FGGY: variants seen among roughly 807,000 people sequenced by gnomAD.
FGGY encodes the protein FGGY carbohydrate kinase domain-containing protein.
Under a neutral mutation model 71.3 loss-of-function variants are expected in FGGY, and 72 were observed. That is an observed-to-expected ratio of 1.01 (90% CI 0.84 to 1.23). The LOEUF (loss-of-function observed/expected upper bound fraction) is 1.23. Among genes scored for constraint, FGGY ranks in the 50% most tolerant of loss-of-function variants. FGGY has a pLI of 0.00. For missense variants in FGGY, 668 were observed against 682.3 expected (o/e 0.98, Z 0.23); for synonymous variants, 251 against 250.3 (o/e 1.00, Z -0.02).
intron 15 of FGGY, among the ~76,000 whole-genome samples, chr1:59,758,237 G>C (rs913007326): frequency 6.6e-6 from 1 of 152,156 alleles, no homozygotes; most frequent in Non-Finnish European, 1.5e-5. Context: ...TTTTTCCCAG[G>C]TAATTGGCAG....
At chr1:59,566,985 G>T (rs747597641) in intron 8 of FGGY, among the ~76,000 whole-genome samples, 64 of 152,158 alleles carry the variant, frequency 4.2e-4, no homozygotes, top group Admixed American at 1.0e-3. Context: ...CCATTTACTT[G>T]TATGTACCTG....
At chr1:59,333,340 A>T (rs1426821369) in intron 2 of FGGY, among the ~76,000 whole-genome samples, 1 of 152,240 alleles carries the variant, frequency 6.6e-6, no homozygotes, top group Admixed American at 6.5e-5. Context: ...GGTATCCCAC[A>T]TGGAAAGATT....
intron 5 of FGGY, among the ~76,000 whole-genome samples, chr1:59,381,342 A>C (rs756539226): frequency 6.6e-6 from 1 of 152,170 alleles, no homozygotes; most frequent in African/African-American, 2.4e-5. Context: ...AGTCATTGGT[A>C]GCTTGATGGG....
intron 5 of FGGY, among the ~76,000 whole-genome samples, chr1:59,456,674 C>T (rs1018468838): frequency 3.3e-5 from 5 of 152,176 alleles, no homozygotes; most frequent in African/African-American, 9.7e-5. Context: ...TCTCCAACTC[C>T]TGACCTTAAG....
intron 11 of FGGY, 147 bp downstream of exon 11, chr1:59,638,522 C>CTCA: frequency 1.1e-6 from 1 of 896,690 alleles, no homozygotes; most frequent in Non-Finnish European, 1.7e-6. Context: ...GCTGTTGCTG[C>CTCA]TCCCTGGGAT....
chr1:59,362,597 A>C (rs1007489087), intron 4 of FGGY, among the ~76,000 whole-genome samples: 1 of 152,174 alleles, frequency 6.6e-6, no homozygotes, highest in South Asian at 2.1e-4. Context: ...CCATTGCCTC[A>C]GTGTGGACTG....
At chr1:59,566,495 AG>A (rs910075682) in intron 8 of FGGY, among the ~76,000 whole-genome samples, 1 of 152,166 alleles carries the variant, frequency 6.6e-6, no homozygotes, top group African/African-American at 2.4e-5. Context: ...GAGCCCCAGG[AG>A]AAATAACAGT....
intron 5 of FGGY, among the ~76,000 whole-genome samples, chr1:59,451,396 A>G (rs2072685607): frequency 6.6e-6 from 1 of 150,890 alleles, no homozygotes; most frequent in South Asian, 2.1e-4. Flanking sequence ...TTTTTGTAGA[A>G]CAGCAAGCCT....
At chr1:59,509,114 A>C (rs541310210) in intron 6 of FGGY, among the ~76,000 whole-genome samples, 1 of 152,180 alleles carries the variant, frequency 6.6e-6, no homozygotes, top group Non-Finnish European at 1.5e-5. Flanking sequence ...AGGCCCTGGA[A>C]CATCTGGCAG....
chr1:59,586,907 G>A (rs538632525), intron 8 of FGGY, among the ~76,000 whole-genome samples: 8 of 152,312 alleles, frequency 5.3e-5, no homozygotes, highest in South Asian at 2.1e-4. Context: ...CTGAGGTACC[G>A]GGTTCATCTC....
At position 59,499,251 on chromosome 1, in the gene FGGY, G is replaced by A. The variant is rs147172181; in HGVS notation, c.671-13060G>A. 3.8e-3 allele frequency among the ~76,000 whole-genome samples: 559 copies of A among 148,526 alleles called. 2 individuals carry two copies. Among genetic ancestry groups the A allele is most frequent in the Non-Finnish European group, 6.8e-3 (456 of 67,554 alleles). On this transcript the variant is annotated intron_variant, in intron 6 of 15. Coordinates refer to ENST00000303721, the MANE Select transcript of FGGY (RefSeq NM_018291.5). The stretch of plus-strand genomic sequence containing the variant: ...GAAAATACCTTCCAAGACCCCCAGT[G>A]GATGCCTAAAAACATGGGTAGTACT...
intron 5 of FGGY, among the ~76,000 whole-genome samples, chr1:59,423,824 T>C (rs1037016598): frequency 2.6e-5 from 4 of 152,224 alleles, no homozygotes; most frequent in African/African-American, 9.6e-5. Flanking sequence ...GTTCCTTCTT[T>C]GACCTGCCTG....
chr1:59,520,212 AG>A (rs2094786922), intron 7 of FGGY, among the ~76,000 whole-genome samples: 2 of 152,244 alleles, frequency 1.3e-5, no homozygotes, highest in Admixed American at 1.3e-4. Context: ...GCCCACAATA[AG>A]GGTTTTGCTG....
chr1:59,459,305 G>C (rs978258049), intron 6 of FGGY, among the ~76,000 whole-genome samples: 25 of 152,318 alleles, frequency 1.6e-4, no homozygotes, highest in African/African-American at 5.5e-4. Context: ...AGGGTTTTAA[G>C]TAATAACATG....
At chr1:59,402,441 A>G (rs2062093808) in intron 5 of FGGY, among the ~76,000 whole-genome samples, 1 of 152,198 alleles carries the variant, frequency 6.6e-6, no homozygotes, top group African/African-American at 2.4e-5. Flanking sequence ...GACCTCTGCT[A>G]ATTATCAGCA....
intron 5 of FGGY, among the ~76,000 whole-genome samples, chr1:59,409,413 T>C (rs2153423031): frequency 6.6e-6 from 1 of 152,174 alleles, no homozygotes; most frequent in South Asian, 2.1e-4. Context: ...CAGCCTTGAA[T>C]GTTCAGCCAT....
At chr1:59,426,275 C>G (rs895982066) in intron 5 of FGGY, among the ~76,000 whole-genome samples, 36 of 152,244 alleles carry the variant, frequency 2.4e-4, no homozygotes, top group African/African-American at 8.4e-4. Context: ...GAATTCCTCC[C>G]TTTCCCCAGC....
intron 2 of FGGY, 67 bp downstream of exon 2, chr1:59,321,817 G>T (rs2046443556): frequency 6.7e-7 from 1 of 1,495,424 alleles, no homozygotes; most frequent in South Asian, 1.2e-5. Context: ...GTGTCAATCT[G>T]GTGCCGTAAA....
At chr1:59,602,313 G>T (rs1389070194) in intron 8 of FGGY, among the ~76,000 whole-genome samples, 2 of 152,032 alleles carry the variant, frequency 1.3e-5, no homozygotes, top group Admixed American at 1.3e-4. Context: ...TCTCTCATTG[G>T]GTTGTCATGA....
Sources: allele counts gnomAD v4.1 joint callset (sites outside exome capture counted in the v4.1 genomes callset), GRCh38; gene constraint gnomAD v4.1.1; transcripts MANE v1.5; gene names NCBI Gene and HGNC (gene_info 2026-07-23, HGNC 2026-07-21).